The following NARS2 variants were observed in gnomAD, a reference collection of about 807,000 sequenced individuals.
NARS2 encodes asparaginyl-tRNA synthetase.
In NARS2, 60 loss-of-function variants were observed where a neutral mutation model predicts 62.9. That is an observed-to-expected ratio of 0.95 (90% confidence interval 0.77 to 1.18). NARS2 has a LOEUF of 1.18. Among genes scored for constraint, NARS2 ranks in the 50% most tolerant of loss-of-function variants. The probability of loss-of-function intolerance (pLI) is 0.00; values close to 1 mark genes in which losing one functional copy is unlikely to be tolerated. For missense variants in NARS2, 619 were observed against 576.4 expected (o/e 1.07, Z -0.76); for synonymous variants, 196 against 200.0 (o/e 0.98, Z 0.17).
chr11:78,572,128 G>A (rs1856950082), intron 1 of NARS2, among the ~76,000 whole-genome samples: 3 of 152,144 alleles, frequency 2.0e-5, no homozygotes, highest in Admixed American at 2.0e-4. Context: ...GTTGCAGTGA[G>A]CCAAGATCGC....
intron 9 of NARS2, among the ~76,000 whole-genome samples, chr11:78,475,895 C>G (rs1859074393): frequency 6.6e-6 from 1 of 152,166 alleles, no homozygotes. Flanking sequence ...GCCAACGTGT[C>G]TCATTCTACT....
At chr11:78,505,607 CATT>C (rs780431296) in intron 6 of NARS2, among the ~76,000 whole-genome samples, 12 of 152,096 alleles carry the variant, frequency 7.9e-5, no homozygotes, top group Admixed American at 7.2e-4. Flanking sequence ...ATCTTATCAT[CATT>C]ATCTACCTGA....
chr11:78,458,934 T>C (rs1348945273), intron 11 of NARS2, among the ~76,000 whole-genome samples: 1 of 152,054 alleles, frequency 6.6e-6, no homozygotes, highest in East Asian at 1.9e-4. Context: ...TGTTTGTTTT[T>C]TTGAGATGGA....
rs113064592 is a variant in NARS2 at position 78,500,937 on chromosome 11, C to A, written c.690-7742G>T. ...TGAAACCCCGTCTCTACAAAAAATA[C>A]AAAAATTAGCCAAGCGTGGTGGCAT... On this transcript the variant is annotated intron_variant, in intron 6 of 13. Coordinates refer to ENST00000281038, the MANE Select transcript of NARS2 (RefSeq NM_024678.6). Among the ~76,000 whole-genome samples, 4 of 152,128 alleles carry A rather than the reference C, an allele frequency of 2.6e-5. No individual in the cohort carries two copies. The East Asian group carries it at 7.8e-4, about 30-fold the overall frequency.
intron 13 of NARS2, among the ~76,000 whole-genome samples, chr11:78,437,727 A>G (rs1857451577): frequency 6.6e-6 from 1 of 152,204 alleles, no homozygotes; most frequent in Admixed American, 6.5e-5. Context: ...CTGTAATTCC[A>G]GCACTTTGGG....
intron 5 of NARS2, among the ~76,000 whole-genome samples, chr11:78,541,388 C>T (rs780050060): frequency 2.0e-5 from 3 of 150,728 alleles, no homozygotes; most frequent in Non-Finnish European, 4.4e-5. Flanking sequence ...TGGTCTTGAA[C>T]TCCTGGGCTC....
At position 78,542,588 on chromosome 11, in the gene NARS2, G is replaced by A. The variant is rs76198437; in HGVS notation, c.595-13652C>T. Among the ~76,000 whole-genome samples, 68 of 152,232 alleles carry A rather than the reference G, an allele frequency of 4.5e-4. No homozygotes were observed. The East Asian group carries it at 6.8e-3, about 15-fold the overall frequency. On this transcript the variant is annotated intron_variant, in intron 5 of 13. Transcript: ENST00000281038. ...CTCCAGAGTTAAGTCTCCAAACCAC[G>A]TATCCACACAAAGGACTTGACTACC...
chr11:78,448,219 GAAACA>G (rs1266259054), intron 11 of NARS2, among the ~76,000 whole-genome samples: 1 of 150,390 alleles, frequency 6.6e-6, no homozygotes, highest in Admixed American at 6.6e-5. Context: ...AGAACCAGAC[GAAACA>G]AAACAAAAAA....
intron 7 of NARS2, among the ~76,000 whole-genome samples, chr11:78,487,363 AAAAAAAAG>A (rs1018729136): frequency 6.6e-6 from 1 of 151,678 alleles, no homozygotes; most frequent in African/African-American, 2.4e-5. Context: ...CTAAAAAAAA[AAAAAAAAG>A]AAAGAAAGAA....
chr11:78,514,637 A>C (rs1489010348), intron 6 of NARS2, among the ~76,000 whole-genome samples: 1 of 152,218 alleles, frequency 6.6e-6, no homozygotes, highest in Non-Finnish European at 1.5e-5. Flanking sequence ...TTTTCTGCTT[A>C]GCCAGACAGA....
chr11:78,534,291 T>G (rs60149951), intron 5 of NARS2, among the ~76,000 whole-genome samples: 3,085 of 152,322 alleles, frequency 0.02, 94 homozygotes, highest in African/African-American at 0.07. Flanking sequence ...GCATTTGGTG[T>G]TGTCAGTGTT....
chr11:78,436,876 GA>G (rs1857427195), intron 13 of NARS2, 62 bp from the exon 14 acceptor site: 2 of 1,497,738 alleles, frequency 1.3e-6, no homozygotes, highest in South Asian at 2.4e-5. Flanking sequence ...GTTATGATTA[GA>G]ATTTAATGTT....
In NARS2 at chr11:78,541,727, A is replaced by G. The variant is rs553160634; in HGVS notation, c.595-12791T>C. 2.3e-3 allele frequency among the ~76,000 whole-genome samples: 347 copies of G among 152,220 alleles called. 2 individuals are homozygous for G. The highest frequency in any genetic ancestry group is 5.0e-3 in the South Asian group (24 of 4,830). On this transcript the variant is annotated intron_variant, in intron 5 of 13. Transcript: ENST00000281038. ...TGCCTCTAAAATCAATCAACCAACC[A>G]AGCAATCAATCATAGGAACTAAATC... is the stretch of plus-strand genomic sequence containing the variant.
At position 78,509,322 on chromosome 11, in the gene NARS2, G is replaced by A. The variant is rs546997937; in HGVS notation, c.690-16127C>T. Among the ~76,000 whole-genome samples the A allele has an allele frequency of 3.9e-5, 6 of 152,226 alleles. No homozygotes were observed. The South Asian group carries it at 1.0e-3, about 26-fold the overall frequency. ...GTTTGTTACTGGACATGCCCTGCAA[G>A]AAATGCTCAAGGTGGTCCTGCCGGG... On this transcript the variant is annotated intron_variant, in intron 6 of 13. Coordinates refer to ENST00000281038, the MANE Select transcript of NARS2 (RefSeq NM_024678.6).
chr11:78,465,048 G>A (rs574199417), intron 11 of NARS2, among the ~76,000 whole-genome samples: 59 of 152,356 alleles, frequency 3.9e-4, no homozygotes, highest in African/African-American at 6.7e-4. Flanking sequence ...AGGCTTCAGC[G>A]ACACAGGAGC....
rs142205674 is a variant in NARS2 at position 78,440,020 on chromosome 11, A to C, written c.1289+1071T>G. On this transcript the variant is annotated intron_variant, in intron 13 of 13. Transcript: ENST00000281038. ...AGCTCAAGCCCCTAATTTCACACAT[A>C]AAGAAATTGCAGCATAATGCTTAAG... Among the ~76,000 whole-genome samples, 771 of 152,318 alleles carry C rather than the reference A, an allele frequency of 5.1e-3. 4 individuals carry two copies. Among genetic ancestry groups the C allele is most frequent in the African/African-American group, 0.016 (646 of 41,568 alleles).
At chr11:78,465,855 T>A in intron 11 of NARS2, 21 bp downstream of exon 11, 1 of 1,613,704 alleles carries the variant, frequency 6.2e-7, no homozygotes, top group Non-Finnish European at 8.5e-7. Flanking sequence ...TAACCCCAAT[T>A]TATTTAGTAT....
intron 5 of NARS2, among the ~76,000 whole-genome samples, chr11:78,552,375 T>TC (rs762716848): frequency 1.2e-4 from 19 of 152,344 alleles, no homozygotes; most frequent in Middle Eastern, 3.4e-3. Flanking sequence ...TACCATATTT[T>TC]CTTTATCCAG....
chr11:78,499,334 C>T (rs1434859560), intron 6 of NARS2, among the ~76,000 whole-genome samples: 1 of 152,002 alleles, frequency 6.6e-6, no homozygotes, highest in Non-Finnish European at 1.5e-5. Flanking sequence ...GATGGGGTCT[C>T]CTATGTGGCC....
Sources: allele counts gnomAD v4.1 joint callset (sites outside exome capture counted in the v4.1 genomes callset), GRCh38; gene constraint gnomAD v4.1.1; transcripts MANE v1.5; gene names NCBI Gene and HGNC (gene_info 2026-07-23, HGNC 2026-07-21).